STRN: variants seen among roughly 807,000 people sequenced by gnomAD.
STRN encodes the protein protein phosphatase 2 regulatory subunit B'''alpha.
In STRN, 53 loss-of-function variants were observed where a neutral mutation model predicts 96.3. The ratio of observed to expected loss-of-function variants is 0.55; its 90% CI spans 0.44 to 0.69. The LOEUF (loss-of-function observed/expected upper bound fraction) is 0.69, where lower values mean the gene tolerates loss of function less well. Among genes scored for constraint, STRN ranks in the 30% least tolerant of loss-of-function variants. STRN has a pLI of 0.00. For synonymous variants in STRN, 428 were observed against 355.9 expected (o/e 1.20, Z -2.28); for missense variants, 987 against 963.9 (o/e 1.02, Z -0.32).
At chr2:36,860,041 C>T (rs1029843162) in intron 13 of STRN, among the ~76,000 whole-genome samples, 8 of 152,006 alleles carry the variant, frequency 5.3e-5, no homozygotes, top group East Asian at 3.9e-4. Context: ...AAGGCAGAGA[C>T]GGAAACAAGG....
chr2:36,895,786 T>C (rs1023496138), intron 6 of STRN, among the ~76,000 whole-genome samples: 11 of 148,638 alleles, frequency 7.4e-5, no homozygotes, highest in Admixed American at 6.7e-4. Flanking sequence ...TAGCGAGGCA[T>C]GGTGGTGGGC....
chr2:36,888,962 G>A (rs796762099), intron 7 of STRN, among the ~76,000 whole-genome samples: 2 of 152,072 alleles, frequency 1.3e-5, no homozygotes, highest in Non-Finnish European at 2.9e-5. Flanking sequence ...GGGATTACAG[G>A]CATGAGCCAC....
chr2:36,878,749 C>CT (rs896386535), intron 9 of STRN, among the ~76,000 whole-genome samples: 13 of 150,838 alleles, frequency 8.6e-5, no homozygotes, highest in Non-Finnish European at 1.0e-4. Context: ...TTTTTTATTT[C>CT]TTTTTTTTTA....
intron 4 of STRN, among the ~76,000 whole-genome samples, chr2:36,903,610 T>C (rs918771251): frequency 1.3e-5 from 2 of 152,184 alleles, no homozygotes; most frequent in African/African-American, 4.8e-5. Context: ...CCGAGTCTAC[T>C]GGATGAAAGA....
Position 36,894,053 on chromosome 2 carries a change from A to C in STRN, c.796-20T>G. 1.2e-6 allele frequency: 2 copies of C among 1,604,064 alleles called. No homozygotes were observed. The highest frequency in any genetic ancestry group is 8.5e-7 in the Non-Finnish European group (1 of 1,177,572). On this transcript the variant is annotated intron_variant, in intron 6 of 17. Transcript: ENST00000263918. ...AACAATCTAATGAAAAAACATGCTAAATTAAATAAAGGAGATAGTTTCCCT... is the reference window on the plus strand; with the variant it reads ...AACAATCTAATGAAAAAACATGCTACATTAAATAAAGGAGATAGTTTCCCT...
At chr2:36,865,697 G>T (rs1249431185) in intron 12 of STRN, among the ~76,000 whole-genome samples, 85 of 152,002 alleles carry the variant, frequency 5.6e-4, no homozygotes, top group Non-Finnish European at 2.9e-5. Context: ...GAGTAGCTGG[G>T]ATTACAGGTG....
intron 2 of STRN, among the ~76,000 whole-genome samples, chr2:36,921,890 A>G (rs570889463): frequency 4.6e-5 from 7 of 152,220 alleles, no homozygotes; most frequent in Non-Finnish European, 7.3e-5. Flanking sequence ...AATGCAGTAT[A>G]TATTTCCAGA....
At chr2:36,891,245 G>T (rs935803053) in intron 7 of STRN, among the ~76,000 whole-genome samples, 2 of 152,130 alleles carry the variant, frequency 1.3e-5, no homozygotes, top group Admixed American at 1.3e-4. Flanking sequence ...TCAACAAATG[G>T]GACAGGCCTA....
intron 4 of STRN, among the ~76,000 whole-genome samples, chr2:36,903,968 A>G (rs1669753364): frequency 6.6e-6 from 1 of 152,212 alleles, no homozygotes; most frequent in South Asian, 2.1e-4. Flanking sequence ...CTTGCCATAG[A>G]AAAGCTGGTT....
In STRN at chr2:36,858,197, T is replaced by A. The variant is rs1478970391; in HGVS notation, c.1670-174A>T. On this transcript the variant is annotated intron_variant, in intron 13 of 17. Coordinates refer to ENST00000263918, the MANE Select transcript of STRN (RefSeq NM_003162.4). ...GTAAATCAAAACAAGCTTGGAAATA[T>A]ACAAATATAAAGTTAAAAAATTTTA... 5.9e-5 allele frequency among the ~76,000 whole-genome samples: 9 copies of A among 152,198 alleles called. No homozygotes were observed. Among genetic ancestry groups the A allele is most frequent in the African/African-American group, 1.4e-4 (6 of 41,452 alleles).
Position 36,883,979 on chromosome 2 carries a change from G to T in STRN, c.1139C>A (p.Pro380His). ...ATGTTCAGGAAGCCTGGAGCTGCTGGGTCTGGAAGGTGAACCCACAGATGG... is the reference window on the plus strand; with the variant it reads ...ATGTTCAGGAAGCCTGGAGCTGCTGTGTCTGGAAGGTGAACCCACAGATGG... ...LQPSVGSPSR[P>H]SSSRLPEHEI... The change falls in exon 9 of 18, where the codon CCC (proline) becomes CAC (histidine). Residue 380 changes from proline (P) to histidine (H), a missense_variant. Physicochemically the swap from Pro to His is moderately conservative, Grantham distance 77. Coordinates refer to ENST00000263918, the MANE Select transcript of STRN (RefSeq NM_003162.4). 2 of 1,437,986 alleles carry T rather than the reference G, an allele frequency of 1.4e-6. No homozygotes were observed. Among genetic ancestry groups the T allele is most frequent in the East Asian group, 5.3e-5 (2 of 37,966 alleles). The allele number at this position is 1,437,986 out of a possible 1,614,324, so 89.1% of individuals were successfully genotyped here.
chr2:36,937,981 A>G (rs1459639139), intron 1 of STRN, among the ~76,000 whole-genome samples: 1 of 152,220 alleles, frequency 6.6e-6, no homozygotes, highest in Non-Finnish European at 1.5e-5. Context: ...CAAATAGGCT[A>G]TGATCACATA....
At chr2:36,910,377 C>T (rs1291969231) in intron 3 of STRN, among the ~76,000 whole-genome samples, 2 of 151,704 alleles carry the variant, frequency 1.3e-5, no homozygotes, top group African/African-American at 4.8e-5. Context: ...AGACAAAAGA[C>T]TGCTGGAAAA....
In STRN at chr2:36,841,584, A is replaced by G. The variant is rs1050341239; in HGVS notation, c.*7872T>C. Reference sequence around the variant, plus strand: ...AAGCATAGTCAAAACCATTCAAAAGAGAACTCACTCTGTAAAAACGATTCT... The same window carrying G: ...AAGCATAGTCAAAACCATTCAAAAGGGAACTCACTCTGTAAAAACGATTCT... On this transcript the variant is annotated 3_prime_UTR_variant, in exon 18 of 18. Transcript: ENST00000263918. 1 of 152,240 alleles carries G rather than the reference A, an allele frequency of 6.6e-6. No individual in the cohort carries two copies. Among genetic ancestry groups the G allele is most frequent in the African/African-American group, 2.4e-5 (1 of 41,476 alleles). The allele number at this position is 152,240 out of a possible 1,614,324, so 9.4% of individuals were successfully genotyped here.
chr2:36,905,652 G>T (rs930338739), intron 3 of STRN, 34 bp from the exon 4 acceptor site: 2 of 1,577,498 alleles, frequency 1.3e-6, no homozygotes, highest in Admixed American at 1.7e-5. Context: ...AAACTGACTT[G>T]TTTTACGTAT....
At chr2:36,866,511 T>C (rs1419855840) in intron 12 of STRN, among the ~76,000 whole-genome samples, 1 of 152,204 alleles carries the variant, frequency 6.6e-6, no homozygotes. Flanking sequence ...GAATGTATAT[T>C]CTGTTGTTTT....
intron 12 of STRN, among the ~76,000 whole-genome samples, chr2:36,863,629 G>C (rs1668549216): frequency 6.6e-6 from 1 of 152,036 alleles, no homozygotes; most frequent in African/African-American, 2.4e-5. Flanking sequence ...TGTTCTTTTT[G>C]CTTAGGATTG....
chr2:36,917,580 G>A (rs1353635096), intron 2 of STRN, among the ~76,000 whole-genome samples: 15 of 148,330 alleles, frequency 1.0e-4, no homozygotes, highest in African/African-American at 3.7e-4. Context: ...GAAAGGAAAT[G>A]AAAAATTATT....
At chr2:36,922,457 C>T (rs1461227110) in intron 2 of STRN, among the ~76,000 whole-genome samples, 9 of 149,640 alleles carry the variant, frequency 6.0e-5, no homozygotes, top group Non-Finnish European at 1.0e-4. Flanking sequence ...AGGCTGACAC[C>T]GCAGTGAATC....
Sources: allele counts gnomAD v4.1 joint callset (sites outside exome capture counted in the v4.1 genomes callset), GRCh38; gene constraint gnomAD v4.1.1; transcripts MANE v1.5; gene names NCBI Gene and HGNC (gene_info 2026-07-23, HGNC 2026-07-21).